MAML1: variants seen among roughly 807,000 people sequenced by gnomAD.
MAML1 encodes the protein mastermind like transcriptional coactivator 1.
MAML1 carries 14 observed loss-of-function variants against 77.1 expected under a neutral mutation model. The observed-to-expected ratio is 0.18, with a 90% CI of 0.12 to 0.28. The LOEUF (loss-of-function observed/expected upper bound fraction) is 0.28, where lower values mean the gene tolerates loss of function less well. Among genes scored for constraint, MAML1 ranks in the 10% least tolerant of loss-of-function variants. MAML1 has a pLI of 1.00. For missense variants in MAML1, 1,217 were observed against 1,327.8 expected (o/e 0.92, Z 1.30); for synonymous variants, 516 against 551.9 (o/e 0.93, Z 0.91).
rs138594650 is a variant in MAML1 at position 179,774,122 on chromosome 5, A to G, written c.2296A>G (p.Ile766Val). The G allele has an allele frequency of 2.5e-6, 4 of 1,613,372 alleles. No individual in the cohort carries two copies. Among genetic ancestry groups the G allele is most frequent in the Non-Finnish European group, 3.4e-6 (4 of 1,180,002 alleles). ...TGGCATGGCTTCTGGCATAACCCAGATAGTTGCCCAGCCCCCGCCACAGGC... is the reference window on the plus strand; with the variant it reads ...TGGCATGGCTTCTGGCATAACCCAGGTAGTTGCCCAGCCCCCGCCACAGGC... ...LYGMASGITQ[I>V]VAQPPPQATN... The change falls in exon 5 of 5, where the codon ATA (isoleucine) becomes GTA (valine). Residue 766 changes from isoleucine (I) to valine (V), a missense_variant. Physicochemically the swap from Ile to Val is conservative, Grantham distance 29. Transcript: ENST00000292599.
At chr5:179,770,994 A>T (rs1755975247) in intron 3 of MAML1, 153 bp from the exon 4 acceptor site, 2 of 617,412 alleles carry the variant, frequency 3.2e-6, no homozygotes, top group South Asian at 3.7e-5. Flanking sequence ...CATACTATTT[A>T]AAAACCCCAA....
rs1306790420 is a variant in MAML1 at position 179,774,650 on chromosome 5, A to G, written c.2824A>G (p.Ser942Gly). Reference sequence around the variant, plus strand: ...AGCAGGGCCTGAGCTGGGGGCCTTCAGCCAGAGCCCTGCCTCACAGATGGG... The same window carrying G: ...AGCAGGGCCTGAGCTGGGGGCCTTCGGCCAGAGCCCTGCCTCACAGATGGG... ...SPAGPELGAF[S>G]QSPASQMGGR... is the part of the protein sequence containing the mutation. The change falls in exon 5 of 5, where the codon AGC becomes GGC. Residue 942 changes from serine (S) to glycine (G), a missense_variant. Ser to Gly is a moderately conservative substitution (Grantham distance 56, BLOSUM62 0). Transcript: ENST00000292599. 2 of 1,610,784 alleles carry G rather than the reference A, an allele frequency of 1.2e-6. No homozygotes were observed. The highest frequency in any genetic ancestry group is 3.3e-5 in the Admixed American group (2 of 59,956).
intron 1 of MAML1, among the ~76,000 whole-genome samples, chr5:179,764,934 A>T (rs1020603941): frequency 1.6e-4 from 25 of 151,966 alleles, no homozygotes; most frequent in Non-Finnish European, 3.5e-4. Context: ...ACCGCACTCC[A>T]CCCAGCCTGG....
Position 179,732,966 on chromosome 5 carries a change from C to T in MAML1, c.-147C>T. Reference sequence around the variant, plus strand: ...GGCCGAGCGGGGCAGGAGGAAAACCCGCCGCCGCGCGCGAGCCCGCTCCGC... The same window carrying T: ...GGCCGAGCGGGGCAGGAGGAAAACCTGCCGCCGCGCGCGAGCCCGCTCCGC... On this transcript the variant is annotated 5_prime_UTR_variant, in exon 1 of 5. Transcript: ENST00000292599. 7.4e-6 allele frequency: 3 copies of T among 407,796 alleles called. No individual in the cohort carries two copies. Among genetic ancestry groups the T allele is most frequent in the Admixed American group, 5.0e-5 (1 of 19,860 alleles). The allele number at this position is 407,796 out of a possible 1,614,324, so 25.3% of individuals were successfully genotyped here.
chr5:179,772,637 C>T (rs1756027774), intron 4 of MAML1, among the ~76,000 whole-genome samples: 1 of 152,224 alleles, frequency 6.6e-6, no homozygotes, highest in African/African-American at 2.4e-5. Flanking sequence ...GCACCTGCCA[C>T]AGAGTGGGTA....
Position 179,774,521 on chromosome 5 carries a change from G to A in MAML1, c.2695G>A (p.Val899Met), listed in dbSNP as rs776314354. The change falls in exon 5 of 5, where the codon GTG (valine) becomes ATG (methionine). Residue 899 changes from valine (V) to methionine (M), a missense_variant. Val to Met is a conservative substitution (Grantham distance 21). This residue lies in a region of MAML1 where 884 missense variants were observed against 949.3 expected (regional missense o/e 0.93). Coordinates refer to ENST00000292599, the MANE Select transcript of MAML1 (RefSeq NM_014757.5). ...PMAPMSSAAAVGSLLPPVSAQ... is the reference protein window; with the variant it reads ...PMAPMSSAAAMGSLLPPVSAQ... ...GGCTCCCATGAGCTCAGCAGCTGCC[G>A]TGGGGTCCTTGCTACCCCCAGTGAG... 12 of 1,613,042 alleles carry A rather than the reference G, an allele frequency of 7.4e-6. No individual in the cohort carries two copies. The highest frequency in any genetic ancestry group is 4.4e-5 in the South Asian group (4 of 91,086).
At chr5:179,760,658 T>C (rs1779707484) in intron 1 of MAML1, among the ~76,000 whole-genome samples, 1 of 152,020 alleles carries the variant, frequency 6.6e-6, no homozygotes, top group African/African-American at 2.4e-5. Context: ...AGGTAGACTA[T>C]GTAGAGTAAA....
chr5:179,774,712 T>G lies in MAML1; in HGVS notation c.2886T>G (p.Pro962=). 6.2e-7 allele frequency: 1 copy of G among 1,610,990 alleles called. No homozygotes were observed. The highest frequency in any genetic ancestry group is 1.1e-5 in the South Asian group (1 of 91,082). The change falls in exon 5 of 5, where the codon CCT becomes CCG. Residue 962 remains proline, a synonymous_variant. Transcript: ENST00000292599. ...GGCTGCACTGCACCCAGGCCTACCCTGTGCGGACCGCGGGCCAGGAGCTGC... is the reference window on the plus strand; with the variant it reads ...GGCTGCACTGCACCCAGGCCTACCCGGTGCGGACCGCGGGCCAGGAGCTGC... ...RAGLHCTQAY[P]VRTAGQELPF...
At position 179,771,803 on chromosome 5, in the gene MAML1, G is replaced by A. The variant is rs1194672930; in HGVS notation, c.2068+560G>A. On this transcript the variant is annotated intron_variant, in intron 4 of 4. Coordinates refer to ENST00000292599, the MANE Select transcript of MAML1 (RefSeq NM_014757.5). This position sits in a 1 kb window ranked among gnomAD's most constrained non-coding sequence, Gnocchi z 4.7. ...CTCCAGAAATGCACAAAGATTTCAG[G>A]GAATGGATACAGGAAGCTCTGGTCT... is the stretch of plus-strand genomic sequence containing the variant. Among the ~76,000 whole-genome samples the A allele has an allele frequency of 6.6e-6, 1 of 152,150 alleles. No individual in the cohort carries two copies. The highest frequency in any genetic ancestry group is 1.9e-4 in the East Asian group (1 of 5,188).
intron 2 of MAML1, 138 bp from the exon 3 acceptor site, chr5:179,768,712 T>C: frequency 9.1e-7 from 1 of 1,099,492 alleles, no homozygotes; most frequent in South Asian, 1.5e-5. Context: ...GCTCCAGCCC[T>C]GTGGGATGGT....
chr5:179,758,813 G>A (rs1435720951), intron 1 of MAML1, among the ~76,000 whole-genome samples: 1 of 151,996 alleles, frequency 6.6e-6, no homozygotes, highest in Non-Finnish European at 1.5e-5. Flanking sequence ...GACCAGCCTC[G>A]CCAACATGGT....
chr5:179,737,205 A>T (rs1779185659), intron 1 of MAML1, among the ~76,000 whole-genome samples: 1 of 152,180 alleles, frequency 6.6e-6, no homozygotes, highest in Admixed American at 6.5e-5. Flanking sequence ...TATCACATTA[A>T]ACCTTGACTT....
rs967097807 is a variant in MAML1, at chr5:179,771,272, A to T, written c.2068+29A>T. 6.3e-7 allele frequency: 1 copy of T among 1,590,158 alleles called. No homozygotes were observed. The highest frequency in any genetic ancestry group is 8.6e-7 in the Non-Finnish European group (1 of 1,158,354). ...GGGGGTGTCTGTGTGACGAGCAGGG[A>T]CAGGGGAGGCCGCTGCCTGGTGCTG... On this transcript the variant is annotated intron_variant, in intron 4 of 4. Transcript: ENST00000292599. This position sits in a 1 kb window ranked among gnomAD's most constrained non-coding sequence, Gnocchi z 4.7.
chr5:179,762,667 TG>T (rs1364674877), intron 1 of MAML1, among the ~76,000 whole-genome samples: 1 of 152,230 alleles, frequency 6.6e-6, no homozygotes, highest in Non-Finnish European at 1.5e-5. Context: ...GCACCTTCTG[TG>T]TCTGTTCTTA....
intron 1 of MAML1, among the ~76,000 whole-genome samples, chr5:179,734,530 GA>G (rs1393903105): frequency 1.3e-5 from 2 of 151,400 alleles, no homozygotes; most frequent in Admixed American, 6.6e-5. Flanking sequence ...TGGGTTAGAA[GA>G]AAAAAAACCA....
rs1412915591 is a variant in MAML1 at position 179,776,600 on chromosome 5, A to G, written c.*1723A>G. On this transcript the variant is annotated 3_prime_UTR_variant, in exon 5 of 5. Coordinates refer to ENST00000292599, the MANE Select transcript of MAML1 (RefSeq NM_014757.5). ...TTTCACCCTCTGAGGGAGTTCCCCA[A>G]TCTGAAGGGGAAGAGGGTGACCTCA... 2 of 985,530 alleles carry G rather than the reference A, an allele frequency of 2.0e-6. No individual in the cohort carries two copies. The highest frequency in any genetic ancestry group is 2.4e-6 in the Non-Finnish European group (2 of 829,958). 61.0% of individuals were successfully genotyped at this position (985,530 alleles called of 1,614,324 possible).
intron 1 of MAML1, among the ~76,000 whole-genome samples, chr5:179,747,216 G>A (rs988776401): frequency 6.6e-6 from 1 of 152,230 alleles, no homozygotes; most frequent in Non-Finnish European, 1.5e-5. Flanking sequence ...CAACTTAAGA[G>A]CAAGACCAAG....
Position 179,776,339 on chromosome 5 carries a change from T to C in MAML1, c.*1462T>C. ...AGAATTGAGCCAAGGAAAATACTCA[T>C]GCAACCAGCCTGAGTCGCGGTGAGG... On this transcript the variant is annotated 3_prime_UTR_variant, in exon 5 of 5. Coordinates refer to ENST00000292599, the MANE Select transcript of MAML1 (RefSeq NM_014757.5). The C allele has an allele frequency of 1.0e-6, 1 of 985,854 alleles. No individual in the cohort carries two copies. The highest frequency in any genetic ancestry group is 1.2e-6 in the Non-Finnish European group (1 of 829,928). 61.1% of individuals were successfully genotyped at this position (985,854 alleles called of 1,614,324 possible).
At chr5:179,746,724 G>T (rs1234513693) in intron 1 of MAML1, among the ~76,000 whole-genome samples, 1 of 152,142 alleles carries the variant, frequency 6.6e-6, no homozygotes, top group African/African-American at 2.4e-5. Flanking sequence ...AAAAATCACA[G>T]TTACATATAA....
Sources: allele counts gnomAD v4.1 joint callset (sites outside exome capture counted in the v4.1 genomes callset), GRCh38; gene constraint gnomAD v4.1.1; regional missense constraint gnomAD v4.1.1; non-coding constraint Gnocchi (gnomAD v3.1); transcripts MANE v1.5; gene names NCBI Gene and HGNC (gene_info 2026-07-23, HGNC 2026-07-21).